Variants in SOX5 observed in about 807,000 individuals in gnomAD.
The protein encoded by SOX5 is SRY-box transcription factor 5, also known as transcription factor SOX-5.
Under a neutral mutation model 92.0 loss-of-function variants are expected in SOX5, and 9 were observed. The ratio of observed to expected loss-of-function variants is 0.10; its 90% confidence interval spans 0.06 to 0.17. The LOEUF is 0.17. Ranked by LOEUF, SOX5 falls within the 10% of genes least tolerant of loss-of-function variation. SOX5 has a pLI of 1.00. For missense variants in SOX5, 642 were observed against 944.5 expected, an observed-to-expected ratio of 0.68 and a Z score of 4.20; for synonymous variants, 344 against 336.3, an observed-to-expected ratio of 1.02 and a Z score of -0.25.
intron 3 of SOX5, among the ~76,000 whole-genome samples, chr12:23,804,915 T>TTATGTATA (rs2095734860): frequency 1.3e-5 from 1 of 75,048 alleles, no homozygotes; most frequent in Non-Finnish European, 2.6e-5. Context: ...TATCATTGTT[T>TTATGTATA]TATATATATA....
intron 4 of SOX5, among the ~76,000 whole-genome samples, chr12:24,203,664 G>A (rs1289008487): frequency 6.6e-6 from 1 of 152,090 alleles, no homozygotes; most frequent in Non-Finnish European, 1.5e-5. Context: ...ATCAGTTTTG[G>A]AAATGCTTAA....
chr12:24,036,579 G>T (rs558279985), intron 4 of SOX5, among the ~76,000 whole-genome samples: 2 of 152,180 alleles, frequency 1.3e-5, no homozygotes, highest in South Asian at 4.2e-4. Context: ...TCAATACACT[G>T]TAAGCCGTGC....
At chr12:23,881,647 G>T (rs2096991204) in intron 2 of SOX5, among the ~76,000 whole-genome samples, 2 of 152,188 alleles carry the variant, frequency 1.3e-5, no homozygotes, top group Admixed American at 6.5e-5. Context: ...AGTTTTCAAA[G>T]CTTCTCTTAC....
chr12:23,552,244 T>TA (rs1944346879), intron 11 of SOX5, among the ~76,000 whole-genome samples: 1 of 151,928 alleles, frequency 6.6e-6, no homozygotes, highest in Admixed American at 6.6e-5. Flanking sequence ...AAGATGGGGC[T>TA]ACCTATAAAG....
At chr12:24,489,669 C>T (rs563505786) in intron 1 of SOX5, among the ~76,000 whole-genome samples, 1 of 152,138 alleles carries the variant, frequency 6.6e-6, no homozygotes, top group Non-Finnish European at 1.5e-5. Context: ...AATTGTTGAG[C>T]AGTGGAAAAG....
chr12:24,537,286 G>T (rs558198417), intron 1 of SOX5, among the ~76,000 whole-genome samples: 5 of 152,060 alleles, frequency 3.3e-5, no homozygotes, highest in African/African-American at 9.7e-5. Flanking sequence ...TTTTACAGGG[G>T]GTTTAGCAGA....
intron 4 of SOX5, among the ~76,000 whole-genome samples, chr12:23,747,566 A>G (rs796583168): frequency 1.3e-5 from 2 of 152,132 alleles, no homozygotes; most frequent in Admixed American, 6.6e-5. Flanking sequence ...TCTAATACCA[A>G]TATGCAAACT....
intron 2 of SOX5, among the ~76,000 whole-genome samples, chr12:23,871,986 A>G (rs978926849): frequency 2.7e-5 from 4 of 148,146 alleles, no homozygotes; most frequent in African/African-American, 9.9e-5. Context: ...ATTATATTAC[A>G]TTTATTCTTT....
chr12:23,614,537 TATA>T (rs1259116634), intron 8 of SOX5, among the ~76,000 whole-genome samples: 5 of 152,228 alleles, frequency 3.3e-5, no homozygotes, highest in Admixed American at 2.6e-4. Context: ...TGCATGGGTG[TATA>T]ATATTTGTTT....
At chr12:24,193,050 T>C (rs1290672820) in intron 4 of SOX5, among the ~76,000 whole-genome samples, 1 of 152,230 alleles carries the variant, frequency 6.6e-6, no homozygotes, top group Non-Finnish European at 1.5e-5. Context: ...TCTTCAGTTC[T>C]GTTCCAGTAT....
At chr12:24,431,189 A>G (rs181924618) in intron 1 of SOX5, among the ~76,000 whole-genome samples, 124 of 152,244 alleles carry the variant, frequency 8.1e-4, no homozygotes, top group Middle Eastern at 3.4e-3. Context: ...TAAGGAATAT[A>G]CCCAAGATGA....
chr12:23,610,952 C>A (rs1319884353), intron 8 of SOX5, among the ~76,000 whole-genome samples: 9 of 152,052 alleles, frequency 5.9e-5, no homozygotes, highest in African/African-American at 9.7e-5. Flanking sequence ...AGACAGATGA[C>A]AAATGCCTTC....
chr12:23,648,346 T>C (rs986063336), intron 7 of SOX5, among the ~76,000 whole-genome samples: 3 of 152,164 alleles, frequency 2.0e-5, no homozygotes, highest in African/African-American at 7.2e-5. Context: ...TATTCCTTTA[T>C]GTGAAAGTTT....
At chr12:24,470,809 G>A (rs1041020469) in intron 1 of SOX5, among the ~76,000 whole-genome samples, 6 of 152,106 alleles carry the variant, frequency 3.9e-5, no homozygotes, top group African/African-American at 1.4e-4. Context: ...TTCCTCAACT[G>A]AAAAATGAGT....
At chr12:23,760,187 A>C (rs898833888) in intron 3 of SOX5, among the ~76,000 whole-genome samples, 2 of 152,066 alleles carry the variant, frequency 1.3e-5, no homozygotes, top group African/African-American at 4.8e-5. Flanking sequence ...CATTTACAGA[A>C]TGCTGCCAGA....
intron 2 of SOX5, among the ~76,000 whole-genome samples, chr12:24,330,141 T>C (rs1310580285): frequency 6.6e-6 from 1 of 151,396 alleles, no homozygotes; most frequent in African/African-American, 2.4e-5. Context: ...AAAACATACC[T>C]TCAACAAAAA....
chr12:24,283,315 T>A (rs1012652813), intron 2 of SOX5, among the ~76,000 whole-genome samples: 1 of 152,216 alleles, frequency 6.6e-6, no homozygotes, highest in Non-Finnish European at 1.5e-5. Context: ...CACAGGTATC[T>A]CTTAGAATCC....
intron 2 of SOX5, among the ~76,000 whole-genome samples, chr12:23,853,771 A>T (rs1392271679): frequency 1.3e-5 from 2 of 152,136 alleles, no homozygotes; most frequent in South Asian, 2.1e-4. Flanking sequence ...TGACAGCCTC[A>T]TTATCTTCCT....
intron 3 of SOX5, among the ~76,000 whole-genome samples, chr12:23,812,037 G>T (rs2095883420): frequency 6.6e-6 from 1 of 151,912 alleles, no homozygotes; most frequent in African/African-American, 2.4e-5. Flanking sequence ...AAGGCAAAAT[G>T]TTCTTATTTT....
Sources: allele counts gnomAD v4.1 joint callset (sites outside exome capture counted in the v4.1 genomes callset), GRCh38; gene constraint gnomAD v4.1.1; transcripts MANE v1.5; gene names NCBI Gene and HGNC (gene_info 2026-07-23, HGNC 2026-07-21).